Variants in BABAM2 observed in about 807,000 individuals in gnomAD.
The protein encoded by BABAM2 is BRISC and BRCA1-A complex member 2.
BABAM2 carries 31 observed loss-of-function variants against 54.7 expected under a neutral mutation model. That is an observed-to-expected ratio of 0.57 (90% CI 0.43 to 0.77). The LOEUF (loss-of-function observed/expected upper bound fraction) is 0.77. Among genes scored for constraint, BABAM2 ranks in the 30% least tolerant of loss-of-function variants. The pLI is 0.00. For synonymous variants in BABAM2, 167 were observed against 162.9 expected (o/e 1.03, Z -0.19); for missense variants, 364 against 455.8 (o/e 0.80, Z 1.83).
intron 5 of BABAM2, among the ~76,000 whole-genome samples, chr2:28,041,563 G>C (rs1677102416): frequency 6.6e-6 from 1 of 152,200 alleles, no homozygotes; most frequent in Non-Finnish European, 1.5e-5. Flanking sequence ...CCATGGAGGA[G>C]AGAGTTTCTG....
intron 6 of BABAM2, among the ~76,000 whole-genome samples, chr2:28,125,135 G>A (rs1669395410): frequency 6.6e-6 from 1 of 152,118 alleles, no homozygotes; most frequent in Non-Finnish European, 1.5e-5. Flanking sequence ...CTCATTCATT[G>A]AATCTAAATG....
intron 7 of BABAM2, among the ~76,000 whole-genome samples, chr2:28,192,771 C>A (rs569326333): frequency 7.2e-5 from 11 of 152,082 alleles, no homozygotes; most frequent in African/African-American, 2.7e-4. Context: ...ATCCGCCCAC[C>A]TGGGCCTCCC....
At chr2:27,913,693 A>G (rs1310821368) in intron 2 of BABAM2, among the ~76,000 whole-genome samples, 2 of 152,182 alleles carry the variant, frequency 1.3e-5, no homozygotes, top group Non-Finnish European at 2.9e-5. Flanking sequence ...CACACCAAAG[A>G]ATGGCTTTTG....
rs117042247 is a variant in BABAM2 at position 28,219,210 on chromosome 2, C to T, written c.681-17992C>T. Among the ~76,000 whole-genome samples the T allele has an allele frequency of 5.9e-5, 9 of 152,300 alleles. No homozygotes were observed. The East Asian group carries it at 1.7e-3, about 29-fold the overall frequency. ...TTTCAGGTTGTTCAGAGAGTTCAGT[C>T]CCTTGCAGTCACAGAACTGAGATCT... On this transcript the variant is annotated intron_variant, in intron 7 of 11. Transcript: ENST00000379624.
chr2:28,016,720 G>A (rs1301153927), intron 4 of BABAM2, among the ~76,000 whole-genome samples: 1 of 152,148 alleles, frequency 6.6e-6, no homozygotes, highest in Non-Finnish European at 1.5e-5. Flanking sequence ...AAGCCATGGA[G>A]GATCACAGAA....
chr2:28,252,497 G>C (rs930572237), intron 10 of BABAM2, among the ~76,000 whole-genome samples: 1 of 152,136 alleles, frequency 6.6e-6, no homozygotes, highest in African/African-American at 2.4e-5. Flanking sequence ...AGTTCAGAGA[G>C]CTCCAGTCCT....
intron 5 of BABAM2, among the ~76,000 whole-genome samples, chr2:28,037,801 A>G (rs1676771663): frequency 6.6e-6 from 1 of 152,190 alleles, no homozygotes; most frequent in South Asian, 2.1e-4. Flanking sequence ...AACAGCTCAG[A>G]GCTCCGAGCA....
rs377270755 is a variant in BABAM2, at chr2:28,241,255, G to C, written c.781-68G>C. ...ATTCTTTCTGCTTCTCTGAATCTTT[G>C]AAATTTCTTATAATAAAGCATTTAA... On this transcript the variant is annotated intron_variant, in intron 8 of 11. Coordinates refer to ENST00000379624, the MANE Select transcript of BABAM2 (RefSeq NM_199191.3). 6.8e-6 allele frequency: 10 copies of C among 1,461,500 alleles called. No individual in the cohort carries two copies. The African/African-American group carries it at 1.3e-4, about 18-fold the overall frequency. The allele number at this position is 1,461,500 out of a possible 1,614,324, so 90.5% of individuals were successfully genotyped here.
At chr2:28,315,130 GAGA>G (rs77790569) in intron 11 of BABAM2, among the ~76,000 whole-genome samples, 38,395 of 146,372 alleles carry the variant, frequency 0.26, 6,191 homozygotes, top group Non-Finnish European at 0.37. Context: ...AGGGAAGGGA[GAGA>G]AGGAGAGGGG....
chr2:28,149,901 C>T (rs1573688948), intron 7 of BABAM2, among the ~76,000 whole-genome samples: 2 of 152,164 alleles, frequency 1.3e-5, no homozygotes, highest in African/African-American at 4.8e-5. Context: ...ATATTTTATA[C>T]ATTGAATTAA....
At chr2:28,219,681 G>A (rs1341559950) in intron 7 of BABAM2, among the ~76,000 whole-genome samples, 1 of 151,920 alleles carries the variant, frequency 6.6e-6, no homozygotes, top group East Asian at 1.9e-4. Context: ...CCGGGTAGAG[G>A]ATTACAAGCA....
chr2:28,028,433 A>G (rs891344145), intron 5 of BABAM2, among the ~76,000 whole-genome samples: 6 of 149,414 alleles, frequency 4.0e-5, no homozygotes, highest in African/African-American at 1.2e-4. Context: ...GCAGAATTAC[A>G]TAGGAATGTG....
chr2:28,255,244 T>C (rs1259166163), intron 10 of BABAM2, among the ~76,000 whole-genome samples: 1 of 151,878 alleles, frequency 6.6e-6, no homozygotes, highest in Non-Finnish European at 1.5e-5. Flanking sequence ...GGAGAAAAAG[T>C]GTTTTTAGTT....
intron 6 of BABAM2, among the ~76,000 whole-genome samples, chr2:28,074,233 T>G (rs1462882653): frequency 6.6e-6 from 1 of 152,186 alleles, no homozygotes; most frequent in Non-Finnish European, 1.5e-5. Flanking sequence ...TCTTACCCAG[T>G]GTTTTCAGCC....
chr2:28,175,686 A>G (rs895081530), intron 7 of BABAM2, among the ~76,000 whole-genome samples: 11 of 152,200 alleles, frequency 7.2e-5, no homozygotes, highest in Admixed American at 2.6e-4. Context: ...CATCCATGCT[A>G]TGCATGCTGC....
chr2:27,971,615 A>G (rs905174382), intron 3 of BABAM2, among the ~76,000 whole-genome samples: 1 of 152,100 alleles, frequency 6.6e-6, no homozygotes, highest in Non-Finnish European at 1.5e-5. Flanking sequence ...GTGTTCTAGG[A>G]GCTACACCTA....
chr2:28,186,926 C>G (rs1041486665), intron 7 of BABAM2, among the ~76,000 whole-genome samples: 6 of 151,982 alleles, frequency 3.9e-5, no homozygotes, highest in Admixed American at 1.3e-4. Flanking sequence ...CTACCTCAGC[C>G]TCCAGAGTAG....
chr2:28,016,681 G>A (rs1198100510), intron 4 of BABAM2, among the ~76,000 whole-genome samples: 3 of 152,198 alleles, frequency 2.0e-5, no homozygotes, highest in African/African-American at 7.2e-5. Flanking sequence ...TTACAAGGGG[G>A]AAGAGAATTA....
chr2:28,228,437 C>G (rs926975791), intron 7 of BABAM2, among the ~76,000 whole-genome samples: 1 of 152,010 alleles, frequency 6.6e-6, no homozygotes, highest in Non-Finnish European at 1.5e-5. Context: ...CTATTGTATG[C>G]ACTGTTTTTT....
Sources: gnomAD v4.1 joint callset for allele counts (sites outside exome capture counted in the v4.1 genomes callset) on GRCh38, gnomAD v4.1.1 for gene constraint, MANE v1.5 for transcripts, NCBI Gene and HGNC (gene_info 2026-07-23, HGNC 2026-07-21) for gene names.